RAB31: variants seen among roughly 807,000 people sequenced by gnomAD.
RAB31 encodes RAB31, member RAS oncogene family.
Under a neutral mutation model 25.6 loss-of-function variants are expected in RAB31, and 21 were observed. The observed-to-expected ratio is 0.82, with a 90% confidence interval of 0.58 to 1.18. The LOEUF is 1.18. RAB31 is among the 50% of genes most tolerant of loss of function. The pLI is 0.00. For synonymous variants in RAB31, 87 were observed against 84.0 expected (o/e 1.04, Z -0.20); for missense variants, 196 against 250.1 (o/e 0.78, Z 1.46).
intron 1 of RAB31, among the ~76,000 whole-genome samples, chr18:9,717,158 C>T (rs1488607128): frequency 1.3e-5 from 2 of 151,648 alleles, no homozygotes; most frequent in African/African-American, 4.9e-5. Flanking sequence ...CAGCTCACTG[C>T]AGCCTCAACC....
At chr18:9,774,426 T>A (rs7232016) in intron 1 of RAB31, among the ~76,000 whole-genome samples, 6,473 of 152,210 alleles carry the variant, frequency 0.043, 493 homozygotes, top group African/African-American at 0.15. Context: ...CAGCCCTCCA[T>A]TGCTTGATGT....
chr18:9,732,769 G>A (rs1422506296), intron 1 of RAB31, among the ~76,000 whole-genome samples: 1 of 152,232 alleles, frequency 6.6e-6, no homozygotes, highest in Non-Finnish European at 1.5e-5. Flanking sequence ...GAGTCTGAAT[G>A]CATTGCTTTC....
chr18:9,837,173 G>A (rs1367065144), intron 5 of RAB31, among the ~76,000 whole-genome samples: 9 of 152,088 alleles, frequency 5.9e-5, no homozygotes. Flanking sequence ...AGGAACGGGG[G>A]AAAACATGAG....
intron 3 of RAB31, among the ~76,000 whole-genome samples, chr18:9,795,899 A>C (rs1300283004): frequency 1.3e-5 from 2 of 152,196 alleles, no homozygotes; most frequent in African/African-American, 4.8e-5. Flanking sequence ...ACCCAGAGGA[A>C]GTCATTACAC....
intron 1 of RAB31, among the ~76,000 whole-genome samples, chr18:9,720,652 T>C (rs1258484439): frequency 6.6e-6 from 1 of 151,168 alleles, no homozygotes; most frequent in Non-Finnish European, 1.5e-5. Flanking sequence ...GGGGGTAGAT[T>C]TGGGCCTATA....
chr18:9,829,901 T>A (rs1030382433), intron 5 of RAB31, among the ~76,000 whole-genome samples: 9 of 152,156 alleles, frequency 5.9e-5, no homozygotes, highest in Non-Finnish European at 8.8e-5. Context: ...TAAAAAAATA[T>A]ATACTTGATG....
intron 2 of RAB31, among the ~76,000 whole-genome samples, chr18:9,789,443 T>C (rs2068449217): frequency 6.6e-6 from 1 of 152,250 alleles, no homozygotes; most frequent in African/African-American, 2.4e-5. Flanking sequence ...CCAATTACCC[T>C]GATTTGATCA....
At chr18:9,779,257 A>C (rs2068389845) in intron 2 of RAB31, among the ~76,000 whole-genome samples, 1 of 152,160 alleles carries the variant, frequency 6.6e-6, no homozygotes, top group Non-Finnish European at 1.5e-5. Flanking sequence ...AATTATGAAA[A>C]AATTTATACT....
chr18:9,809,058 G>A (rs546080731), intron 3 of RAB31, among the ~76,000 whole-genome samples: 4 of 151,272 alleles, frequency 2.6e-5, no homozygotes, highest in Admixed American at 6.6e-5. Flanking sequence ...GTGTGTGTGC[G>A]CGCGCACGCG....
At chr18:9,735,026 G>GTT (rs796178723) in intron 1 of RAB31, 5 of 179,478 alleles carry the variant, frequency 2.8e-5, no homozygotes, top group South Asian at 1.8e-4. Context: ...TTGTTGTTTT[G>GTT]TTTTTTTTTG....
intron 1 of RAB31, among the ~76,000 whole-genome samples, chr18:9,746,296 C>T (rs1045268557): frequency 2.6e-5 from 4 of 152,132 alleles, no homozygotes; most frequent in African/African-American, 9.7e-5. Flanking sequence ...AAATAAATCC[C>T]TATTCATGGA....
intron 3 of RAB31, among the ~76,000 whole-genome samples, chr18:9,792,846 G>C (rs62081199): frequency 8.5e-5 from 13 of 152,188 alleles, no homozygotes; most frequent in Non-Finnish European, 1.8e-4. Flanking sequence ...AAGTCAGGTA[G>C]GCTTAGCGCC....
intron 3 of RAB31, among the ~76,000 whole-genome samples, chr18:9,811,571 A>G (rs2068571020): frequency 6.6e-6 from 1 of 152,230 alleles, no homozygotes; most frequent in Non-Finnish European, 1.5e-5. Flanking sequence ...TGCTTTGTTC[A>G]AAACTTAAAA....
At chr18:9,726,917 C>T (rs1204015112) in intron 1 of RAB31, among the ~76,000 whole-genome samples, 1 of 151,926 alleles carries the variant, frequency 6.6e-6, no homozygotes, top group Admixed American at 6.6e-5. Flanking sequence ...CCAAGCATTA[C>T]CTTAAAAAAA....
At chr18:9,732,260 G>T (rs990716280) in intron 1 of RAB31, among the ~76,000 whole-genome samples, 3 of 152,150 alleles carry the variant, frequency 2.0e-5, no homozygotes, top group Non-Finnish European at 4.4e-5. Context: ...CAAGGAGAGG[G>T]CCGGTCACCG....
intron 1 of RAB31, among the ~76,000 whole-genome samples, chr18:9,719,298 A>AATATATAT (rs71168101): frequency 1.3e-4 from 3 of 23,104 alleles, no homozygotes; most frequent in African/African-American, 3.7e-4. Flanking sequence ...AAAAAAAAAA[A>AATATATAT]ATATATATAT....
chr18:9,789,485 C>T (rs773137001), intron 2 of RAB31, among the ~76,000 whole-genome samples: 1 of 152,124 alleles, frequency 6.6e-6, no homozygotes, highest in Admixed American at 6.6e-5. Flanking sequence ...GTACATATCA[C>T]TCTGTATCCC....
At chr18:9,763,749 A>C (rs1253152718) in intron 1 of RAB31, among the ~76,000 whole-genome samples, 1 of 152,118 alleles carries the variant, frequency 6.6e-6, no homozygotes, top group Non-Finnish European at 1.5e-5. Context: ...GGAAGTGCTT[A>C]GCTTGGTGCC....
intron 1 of RAB31, among the ~76,000 whole-genome samples, chr18:9,726,392 G>T (rs900138192): frequency 3.3e-5 from 5 of 152,220 alleles, no homozygotes; most frequent in Non-Finnish European, 5.9e-5. Context: ...CTGGCAGCAG[G>T]TGGACTTGGG....
Sources: allele counts gnomAD v4.1 joint callset (sites outside exome capture counted in the v4.1 genomes callset), GRCh38; gene constraint gnomAD v4.1.1; transcripts MANE v1.5; gene names NCBI Gene and HGNC (gene_info 2026-07-23, HGNC 2026-07-21).